CATSPERD: variants seen among roughly 807,000 people sequenced by gnomAD.
The protein encoded by CATSPERD is cation channel sperm-associated auxiliary subunit delta.
CATSPERD carries 86 observed loss-of-function variants against 98.1 expected under a neutral mutation model. The observed-to-expected ratio is 0.88, with a 90% CI of 0.74 to 1.05. CATSPERD has a LOEUF of 1.05. CATSPERD is among the 50% of genes least tolerant of loss of function. The pLI is 0.00. For synonymous variants in CATSPERD, 394 were observed against 390.2 expected, an observed-to-expected ratio of 1.01 and a Z score of -0.12; for missense variants, 995 against 1,005.7, an observed-to-expected ratio of 0.99 and a Z score of 0.14.
chr19:5,740,048 G>A (rs1490576287), intron 7 of CATSPERD, among the ~76,000 whole-genome samples: 14 of 152,076 alleles, frequency 9.2e-5, no homozygotes, highest in Admixed American at 5.3e-4. Flanking sequence ...TTGGGAGGCC[G>A]AGGTGGGCAG....
At chr19:5,747,912 G>A (rs2056126870) in intron 9 of CATSPERD, among the ~76,000 whole-genome samples, 1 of 152,100 alleles carries the variant, frequency 6.6e-6, no homozygotes, top group Non-Finnish European at 1.5e-5. Context: ...GCGCCTGGCA[G>A]AAGGGTTAGG....
intron 12 of CATSPERD, chr19:5,753,699 T>A (rs1258610897): frequency 3.6e-6 from 1 of 276,490 alleles, no homozygotes. Context: ...TAAGCCCTTG[T>A]CTCTATTAAA....
At chr19:5,730,768 T>G (rs2055699392) in intron 4 of CATSPERD, among the ~76,000 whole-genome samples, 2 of 151,342 alleles carry the variant, frequency 1.3e-5, no homozygotes, top group South Asian at 4.2e-4. Context: ...ATCCCAGCAC[T>G]TTGGGAGGCC....
In CATSPERD at chr19:5,743,268, A is replaced by C. The variant is rs2056024070; in HGVS notation, c.574-1159A>C. Among the ~76,000 whole-genome samples the C allele has an allele frequency of 4.6e-5, 7 of 151,718 alleles. No homozygotes were observed. In the South Asian group the frequency reaches 1.5e-3, roughly 31 times the overall value. On this transcript the variant is annotated intron_variant, in intron 7 of 21. Transcript: ENST00000381624. ...CAGTGAGCTGAGATCACACCATTGC[A>C]CTCCAGCCTGGGCGACAAGAGTGTA...
At position 5,776,148 on chromosome 19, in the gene CATSPERD, C is replaced by G. The variant is rs1423759725; in HGVS notation, c.1942-13C>G. ...GTCCCTAGGGCCAGTGGGCATGTCTCTGTCCCCCACAGAACTATGTGAGCT... is the reference window on the plus strand; with the variant it reads ...GTCCCTAGGGCCAGTGGGCATGTCTGTGTCCCCCACAGAACTATGTGAGCT... On this transcript the variant is annotated splice_polypyrimidine_tract_variant and intron_variant, in intron 20 of 21. Transcript: ENST00000381624. The G allele has an allele frequency of 1.2e-6, 2 of 1,613,488 alleles. No homozygotes were observed. Among genetic ancestry groups the G allele is most frequent in the South Asian group, 1.1e-5 (1 of 91,014 alleles).
At chr19:5,757,237 G>T (rs1423175587) in intron 13 of CATSPERD, among the ~76,000 whole-genome samples, 2 of 151,980 alleles carry the variant, frequency 1.3e-5, no homozygotes. Flanking sequence ...GTGACAGAGT[G>T]AGACTCCATC....
In CATSPERD at chr19:5,777,680, C is replaced by T. The variant is rs1044378998; in HGVS notation, c.2097-696C>T. ...GGTGGATCACTTGAAGTCAGGAGTT[C>T]GAGACAAGCCTGGCCAACATGGAGA... On this transcript the variant is annotated intron_variant, in intron 21 of 21. Coordinates refer to ENST00000381624, the MANE Select transcript of CATSPERD (RefSeq NM_152784.4). 5.9e-5 allele frequency among the ~76,000 whole-genome samples: 9 copies of T among 152,150 alleles called. No individual in the cohort carries two copies. The South Asian group carries it at 1.2e-3, about 21-fold the overall frequency.
At chr19:5,738,114 A>G (rs2145724404) in intron 6 of CATSPERD, among the ~76,000 whole-genome samples, 1 of 151,988 alleles carries the variant, frequency 6.6e-6, no homozygotes, top group Admixed American at 6.6e-5. Context: ...ACTTCCCCAA[A>G]ACTTAATTAC....
intron 5 of CATSPERD, among the ~76,000 whole-genome samples, chr19:5,734,460 G>A (rs1353080446): frequency 6.6e-6 from 1 of 152,174 alleles, no homozygotes; most frequent in Admixed American, 6.6e-5. Flanking sequence ...CCAACATGGG[G>A]AAACCCCGTC....
chr19:5,730,284 C>G (rs188178993), intron 4 of CATSPERD, among the ~76,000 whole-genome samples: 9 of 152,230 alleles, frequency 5.9e-5, no homozygotes, highest in Admixed American at 4.6e-4. Context: ...GTGGCTCACA[C>G]CTGTAATCCC....
intron 16 of CATSPERD, among the ~76,000 whole-genome samples, chr19:5,764,816 C>T (rs1388262513): frequency 1.3e-5 from 2 of 151,738 alleles, no homozygotes; most frequent in African/African-American, 4.8e-5. Context: ...GGTTTCACCA[C>T]ATTGGCCAGG....
At chr19:5,771,197 T>C (rs2056637721) in intron 19 of CATSPERD, 125 bp downstream of exon 19, 1 of 1,114,688 alleles carries the variant, frequency 9.0e-7, no homozygotes, top group Non-Finnish European at 1.3e-6. Flanking sequence ...GGTCACTGTT[T>C]CCCACCGTGC....
rs561227593 is a variant in CATSPERD at position 5,758,658 on chromosome 19, G to A, written c.1369-428G>A. ...CTCGGGAGGCTGAGGCAGGAGAATGGCGTGAACCCAGGAGGCAGAGCTGGC... is the reference window on the plus strand; with the variant it reads ...CTCGGGAGGCTGAGGCAGGAGAATGACGTGAACCCAGGAGGCAGAGCTGGC... On this transcript the variant is annotated intron_variant, in intron 14 of 21. Transcript: ENST00000381624. Among the ~76,000 whole-genome samples the A allele has an allele frequency of 1.2e-3, 177 of 151,628 alleles. 1 individual carries two copies. The highest frequency in any genetic ancestry group is 3.9e-3 in the African/African-American group (160 of 41,408).
chr19:5,748,815 T>C (rs1475663692), intron 10 of CATSPERD, among the ~76,000 whole-genome samples: 2 of 145,408 alleles, frequency 1.4e-5, no homozygotes, highest in Non-Finnish European at 3.0e-5. Context: ...GTGTAACCTC[T>C]GCCTCCTGGG....
intron 1 of CATSPERD, 93 bp downstream of exon 1, chr19:5,720,901 C>A: frequency 1.0e-6 from 1 of 979,558 alleles, no homozygotes; most frequent in Non-Finnish European, 1.5e-6. Context: ...CCCAACCTCA[C>A]TGAGGCTCCC....
At position 5,732,147 on chromosome 19, in the gene CATSPERD, T is replaced by C. The variant is rs957487756; in HGVS notation, c.277-1709T>C. Among the ~76,000 whole-genome samples, 3 of 151,562 alleles carry C rather than the reference T, an allele frequency of 2.0e-5. No individual in the cohort carries two copies. The Admixed American group carries it at 2.0e-4, about 10-fold the overall frequency. Reference sequence around the variant, plus strand: ...AGCCACCACGCCTGGCTAATTTTTGTATTTTTTAGTAGAGACAGTGTTTCA... The same window carrying C: ...AGCCACCACGCCTGGCTAATTTTTGCATTTTTTAGTAGAGACAGTGTTTCA... On this transcript the variant is annotated intron_variant, in intron 4 of 21. Transcript: ENST00000381624.
At chr19:5,773,280 A>T (rs1253033816) in intron 20 of CATSPERD, among the ~76,000 whole-genome samples, 1 of 152,174 alleles carries the variant, frequency 6.6e-6, no homozygotes, top group African/African-American at 2.4e-5. Context: ...CAGAGGTTGC[A>T]GTGAGCACAG....
At chr19:5,762,705 G>A (rs1034299179) in intron 15 of CATSPERD, among the ~76,000 whole-genome samples, 6 of 151,550 alleles carry the variant, frequency 4.0e-5, no homozygotes, top group Non-Finnish European at 7.4e-5. Context: ...GGAATGGATC[G>A]ATAAGTGGGT....
chr19:5,729,146 C>T (rs1250252939), intron 3 of CATSPERD, among the ~76,000 whole-genome samples: 3 of 151,360 alleles, frequency 2.0e-5, no homozygotes, highest in East Asian at 2.0e-4. Flanking sequence ...CCCAGGCTGG[C>T]GTGCAGTGGC....
Sources: allele counts gnomAD v4.1 joint callset (sites outside exome capture counted in the v4.1 genomes callset), GRCh38; gene constraint gnomAD v4.1.1; transcripts MANE v1.5; gene names NCBI Gene and HGNC (gene_info 2026-07-23, HGNC 2026-07-21).